The following CDH13 variants were observed in gnomAD, a reference collection of about 807,000 sequenced individuals.
CDH13 encodes the protein cadherin-13.
In CDH13, 24 loss-of-function variants were observed where a neutral mutation model predicts 63.8. The ratio of observed to expected loss-of-function variants is 0.38; its 90% CI spans 0.27 to 0.53. The LOEUF (loss-of-function observed/expected upper bound fraction) is 0.53. Ranked by LOEUF, CDH13 falls within the 20% of genes least tolerant of loss-of-function variation. The probability of loss-of-function intolerance (pLI) is 0.85; values close to 1 mark genes in which losing one functional copy is unlikely to be tolerated. For synonymous variants in CDH13, 503 were observed against 355.3 expected (o/e 1.42, Z -4.67); for missense variants, 1,049 against 903.1 (o/e 1.16, Z -2.07).
Position 83,779,950 on chromosome 16 carries a change from C to G in CDH13, c.1682-18C>G. ...GCATATACCAGTTGCATACCAACAT[C>G]TTCCCTTTTTCCCACAGGCAACCCT... On this transcript the variant is annotated intron_variant, in intron 11 of 13. Transcript: ENST00000567109. 1 of 1,577,120 alleles carries G rather than the reference C, an allele frequency of 6.3e-7. No homozygotes were observed. Among genetic ancestry groups the G allele is most frequent in the Admixed American group, 1.7e-5 (1 of 59,394 alleles).
intron 3 of CDH13, among the ~76,000 whole-genome samples, chr16:83,116,564 A>T (rs1245648210): frequency 6.6e-6 from 1 of 152,216 alleles, no homozygotes; most frequent in Admixed American, 6.5e-5. Flanking sequence ...GACATATCGC[A>T]TGGTTTCTGT....
chr16:83,508,873 C>T (rs527553569), intron 7 of CDH13, among the ~76,000 whole-genome samples: 54 of 152,274 alleles, frequency 3.5e-4, no homozygotes, highest in Non-Finnish European at 5.3e-4. Context: ...CACAAGGTAC[C>T]GTGTAGAGCT....
chr16:82,820,157 T>A (rs2037935321), intron 1 of CDH13, among the ~76,000 whole-genome samples: 1 of 152,160 alleles, frequency 6.6e-6, no homozygotes, highest in African/African-American at 2.4e-5. Flanking sequence ...TGGGAATGAT[T>A]AAATATCATT....
chr16:83,786,217 G>C (rs1257588066), intron 13 of CDH13, among the ~76,000 whole-genome samples: 2 of 152,200 alleles, frequency 1.3e-5, no homozygotes, highest in Non-Finnish European at 2.9e-5. Context: ...CAACTAGGAA[G>C]AGTTGGGGAT....
chr16:83,699,549 C>T (rs971221551), intron 10 of CDH13, among the ~76,000 whole-genome samples: 5 of 152,166 alleles, frequency 3.3e-5, no homozygotes, highest in African/African-American at 1.2e-4. Flanking sequence ...CATTTCTTAG[C>T]TGTCTCAATC....
chr16:83,447,068 A>AG (rs1491303554), intron 6 of CDH13, among the ~76,000 whole-genome samples: 1 of 133,432 alleles, frequency 7.5e-6, no homozygotes, highest in Non-Finnish European at 1.6e-5. Flanking sequence ...AAAAAAAAAA[A>AG]AAAAAACAAA....
intron 3 of CDH13, among the ~76,000 whole-genome samples, chr16:83,103,243 C>CT (rs35812420): frequency 0.26 from 24,066 of 91,120 alleles, 4,393 homozygotes; most frequent in East Asian, 0.61. Flanking sequence ...GTTAACTGAA[C>CT]TTTTTTTTTT....
chr16:83,511,025 C>T (rs949363028), intron 7 of CDH13, among the ~76,000 whole-genome samples: 4 of 152,388 alleles, frequency 2.6e-5, no homozygotes, highest in Admixed American at 6.5e-5. Flanking sequence ...CACACATACA[C>T]GGACACGCAC....
Position 83,216,422 on chromosome 16 carries a change from ATATAT to A in CDH13, c.484-922_484-918del, listed in dbSNP as rs1567513962. ...AATATATATATATATATATATATAT[ATATAT>A]ATATATATATATATATACACAACCC... On this transcript the variant is annotated intron_variant, in intron 4 of 13. Coordinates refer to ENST00000567109, the MANE Select transcript of CDH13 (RefSeq NM_001257.5). Among the ~76,000 whole-genome samples the A allele has an allele frequency of 3.1e-4, 30 of 97,558 alleles. 3 individuals carry two copies. The highest frequency in any genetic ancestry group is 9.8e-4 in the East Asian group (3 of 3,054). 64.0% of individuals were successfully genotyped at this position (97,558 alleles called of 152,430 possible).
intron 13 of CDH13, among the ~76,000 whole-genome samples, chr16:83,794,113 G>A (rs971888840): frequency 1.3e-5 from 2 of 152,200 alleles, no homozygotes; most frequent in Non-Finnish European, 2.9e-5. Flanking sequence ...AGAGCCTCCA[G>A]AAGGAGCACA....
intron 8 of CDH13, among the ~76,000 whole-genome samples, chr16:83,614,404 C>T (rs893547566): frequency 6.6e-6 from 1 of 152,216 alleles, no homozygotes; most frequent in African/African-American, 2.4e-5. Context: ...AGTCCCTTGT[C>T]TCTGCTGAAA....
intron 5 of CDH13, among the ~76,000 whole-genome samples, chr16:83,301,736 T>G (rs1338547239): frequency 2.6e-5 from 4 of 152,138 alleles, no homozygotes; most frequent in Admixed American, 2.0e-4. Context: ...GCCCTCTTAT[T>G]TTTTCCTTCT....
Position 82,966,833 on chromosome 16 carries a change from G to GT in CDH13, c.158-65171dup, listed in dbSNP as rs1347505670. On this transcript the variant is annotated intron_variant, in intron 2 of 13. Coordinates refer to ENST00000567109, the MANE Select transcript of CDH13 (RefSeq NM_001257.5). ...TGTGATATTTCCCAAAAACAAGGATGTTTTTTCTCTCTCATAGAATCACAG... is the reference window on the plus strand; with the variant it reads ...TGTGATATTTCCCAAAAACAAGGATGTTTTTTTCTCTCTCATAGAATCACAG... Among the ~76,000 whole-genome samples the GT allele has an allele frequency of 6.6e-5, 10 of 152,124 alleles. No homozygotes were observed. In the South Asian group the frequency reaches 1.7e-3, roughly 25 times the overall value.
chr16:82,856,543 A>G (rs2039702751), intron 1 of CDH13, among the ~76,000 whole-genome samples: 1 of 151,402 alleles, frequency 6.6e-6, no homozygotes, highest in Non-Finnish European at 1.5e-5. Context: ...CAGTACAAAA[A>G]ATAGAAAAAT....
chr16:82,843,083 A>T (rs749444228), intron 1 of CDH13, among the ~76,000 whole-genome samples: 1 of 152,192 alleles, frequency 6.6e-6, no homozygotes, highest in African/African-American at 2.4e-5. Context: ...TGGCCTGGGG[A>T]TTGGGCATCC....
In CDH13 at chr16:83,378,123, G is replaced by A. The variant is rs542732611; in HGVS notation, c.781+33117G>A. On this transcript the variant is annotated intron_variant, in intron 6 of 13. Coordinates refer to ENST00000567109, the MANE Select transcript of CDH13 (RefSeq NM_001257.5). ...CCTAAGAGCACACCTTGCAGAAGCA[G>A]CATCACCATCATCACTACGATTTAT... 5.3e-5 allele frequency among the ~76,000 whole-genome samples: 8 copies of A among 152,338 alleles called. No homozygotes were observed. The East Asian group carries it at 1.5e-3, about 29-fold the overall frequency.
chr16:83,777,506 C>G (rs534867347), intron 11 of CDH13, among the ~76,000 whole-genome samples: 3 of 152,376 alleles, frequency 2.0e-5, no homozygotes, highest in South Asian at 2.1e-4. Flanking sequence ...CTGCCTGCCC[C>G]TCTCAGGACA....
Position 83,449,861 on chromosome 16 carries a change from C to G in CDH13, c.782-36616C>G, listed in dbSNP as rs1027600831. ...GAGCTAATGCAAGGGAGAGGGAGCT[C>G]AGACCACAGATTTGTGCAGAGAAAG... On this transcript the variant is annotated intron_variant, in intron 6 of 13. Coordinates refer to ENST00000567109, the MANE Select transcript of CDH13 (RefSeq NM_001257.5). Among the ~76,000 whole-genome samples, 3 of 152,200 alleles carry G rather than the reference C, an allele frequency of 2.0e-5. No individual in the cohort carries two copies. The East Asian group carries it at 5.8e-4, about 29-fold the overall frequency.
At chr16:83,531,690 C>A (rs1225035628) in intron 7 of CDH13, among the ~76,000 whole-genome samples, 1 of 152,180 alleles carries the variant, frequency 6.6e-6, no homozygotes, top group East Asian at 1.9e-4. Flanking sequence ...GATGTGGCCA[C>A]TAACCCAGAA....
Sources: allele counts gnomAD v4.1 joint callset (sites outside exome capture counted in the v4.1 genomes callset), GRCh38; gene constraint gnomAD v4.1.1; transcripts MANE v1.5; gene names NCBI Gene and HGNC (gene_info 2026-07-23, HGNC 2026-07-21).